Variants in KCNJ6 observed in about 807,000 individuals in gnomAD.
The protein encoded by KCNJ6 is potassium inwardly rectifying channel subfamily J member 6, also known as G protein-activated inward rectifier potassium channel 2.
Under a neutral mutation model 34.2 loss-of-function variants are expected in KCNJ6, and 9 were observed. The ratio of observed to expected loss-of-function variants is 0.26; its 90% CI spans 0.16 to 0.46. The LOEUF is 0.46. Among genes scored for constraint, KCNJ6 ranks in the 20% least tolerant of loss-of-function variants. The pLI is 1.00. For missense variants in KCNJ6, 236 were observed against 531.3 expected (o/e 0.44, Z 5.46); for synonymous variants, 196 against 207.1 (o/e 0.95, Z 0.46).
chr21:37,670,182 G>T (rs2054535220), intron 3 of KCNJ6, among the ~76,000 whole-genome samples: 1 of 152,068 alleles, frequency 6.6e-6, no homozygotes, highest in Admixed American at 6.6e-5. Flanking sequence ...AGGTGTGCAG[G>T]TTTATTTCTG....
chr21:37,618,412 A>C lies in KCNJ6; in HGVS notation c.*6747T>G, dbSNP rs1227266276. 1 of 152,204 alleles carries C rather than the reference A, an allele frequency of 6.6e-6. No homozygotes were observed. The highest frequency in any genetic ancestry group is 1.9e-4 in the East Asian group (1 of 5,204). The allele number at this position is 152,204 out of a possible 1,614,324, so 9.4% of individuals were successfully genotyped here. ...TTGAATGTTTTGTGATTTCTATCAG[A>C]GTTTTAGAAACGATGATGATTACAT... is the stretch of plus-strand genomic sequence containing the variant. On this transcript the variant is annotated 3_prime_UTR_variant, in exon 4 of 4. Transcript: ENST00000609713.
At chr21:37,632,212 A>G (rs566387962) in intron 3 of KCNJ6, among the ~76,000 whole-genome samples, 1 of 141,680 alleles carries the variant, frequency 7.1e-6, no homozygotes, top group East Asian at 2.3e-4. Flanking sequence ...CTTTGCATGC[A>G]CAGGACGGAA....
chr21:37,698,332 G>T (rs937230428), intron 3 of KCNJ6, among the ~76,000 whole-genome samples: 1 of 152,186 alleles, frequency 6.6e-6, no homozygotes, highest in African/African-American at 2.4e-5. Flanking sequence ...TCCAGGCGGG[G>T]GCTGCCCTTG....
At chr21:37,664,046 G>T (rs1391926087) in intron 3 of KCNJ6, among the ~76,000 whole-genome samples, 1 of 152,090 alleles carries the variant, frequency 6.6e-6, no homozygotes, top group Non-Finnish European at 1.5e-5. Flanking sequence ...TAATTAAGAA[G>T]TCAGTAGCAA....
intron 1 of KCNJ6, among the ~76,000 whole-genome samples, chr21:37,850,932 A>G (rs1163539364): frequency 1.3e-5 from 2 of 152,154 alleles, no homozygotes; most frequent in African/African-American, 2.4e-5. Flanking sequence ...TCACCTTGAG[A>G]ACTGGCTGGG....
At chr21:37,818,911 C>T (rs2055360830) in intron 2 of KCNJ6, among the ~76,000 whole-genome samples, 1 of 151,974 alleles carries the variant, frequency 6.6e-6, no homozygotes, top group Non-Finnish European at 1.5e-5. Context: ...GGATATTAGA[C>T]TTCCAAGGTT....
intron 1 of KCNJ6, among the ~76,000 whole-genome samples, chr21:37,843,179 C>G (rs561383633): frequency 3.0e-4 from 46 of 152,156 alleles, no homozygotes; most frequent in Non-Finnish European, 6.0e-4. Context: ...CTCTTGTGAC[C>G]TAAGGACCCT....
intron 2 of KCNJ6, among the ~76,000 whole-genome samples, chr21:37,823,182 C>T (rs2055382542): frequency 6.6e-6 from 1 of 152,162 alleles, no homozygotes; most frequent in Admixed American, 6.5e-5. Flanking sequence ...CCACGGCCAC[C>T]CCAACACCAG....
chr21:37,798,572 C>T (rs185651268), intron 2 of KCNJ6, among the ~76,000 whole-genome samples: 4 of 152,296 alleles, frequency 2.6e-5, no homozygotes, highest in East Asian at 3.9e-4. Flanking sequence ...CTGTCCAGGA[C>T]GGAATATGAT....
chr21:37,840,736 T>C (rs867818064), intron 1 of KCNJ6, 27 bp from the exon 2 acceptor site: 5 of 1,275,852 alleles, frequency 3.9e-6, no homozygotes, highest in Middle Eastern at 1.9e-4. Context: ...AAGACAATTA[T>C]CTGTAAAACA....
chr21:37,805,242 C>T (rs1039444947), intron 2 of KCNJ6, among the ~76,000 whole-genome samples: 5 of 151,928 alleles, frequency 3.3e-5, no homozygotes, highest in African/African-American at 9.7e-5. Flanking sequence ...GTATACTTTA[C>T]AAGTGTGAAT....
intron 1 of KCNJ6, among the ~76,000 whole-genome samples, chr21:37,889,541 C>A (rs2055752019): frequency 6.6e-6 from 1 of 152,182 alleles, no homozygotes; most frequent in East Asian, 1.9e-4. Flanking sequence ...TCCTAGAGGG[C>A]TGCCATGACA....
At position 37,615,858 on chromosome 21, in the gene KCNJ6, A is replaced by T. The variant is rs527281095; in HGVS notation, c.*9301T>A. Reference sequence around the variant, plus strand: ...GGATAATACAAAAATAATTTTGAAAATTTTTTAAAGGCAAATGTGACTGGA... The same window carrying T: ...GGATAATACAAAAATAATTTTGAAATTTTTTTAAAGGCAAATGTGACTGGA... On this transcript the variant is annotated 3_prime_UTR_variant, in exon 4 of 4. Transcript: ENST00000609713. 6.6e-6 allele frequency: 1 copy of T among 152,290 alleles called. No individual in the cohort carries two copies. The highest frequency in any genetic ancestry group is 1.9e-4 in the East Asian group (1 of 5,190). 9.4% of individuals were successfully genotyped at this position (152,290 alleles called of 1,614,324 possible). A position where few individuals can be genotyped will look rare whatever the true frequency, so the allele number is the denominator to read the frequency against.
intron 2 of KCNJ6, among the ~76,000 whole-genome samples, chr21:37,829,158 C>A (rs1160882551): frequency 1.3e-4 from 20 of 150,574 alleles, no homozygotes; most frequent in Admixed American, 1.3e-3. Context: ...GGGGATGGAG[C>A]CTGAACCAGG....
At position 37,655,179 on chromosome 21, in the gene KCNJ6, T is replaced by TGTG. The variant is rs1377937886; in HGVS notation, c.947-29696_947-29695insCAC. 8.3e-3 allele frequency among the ~76,000 whole-genome samples: 200 copies of TGTG among 23,976 alleles called. 1 individual carries two copies. The highest frequency in any genetic ancestry group is 0.03 in the African/African-American group (176 of 5,932). 15.7% of individuals were successfully genotyped at this position (23,976 alleles called of 152,430 possible). ...TACACTGCCTTCACACTCTAGACAT[T>TGTG]TGTGTGTGTGTGTGTGTGTGTGTGT... is the stretch of plus-strand genomic sequence containing the variant. On this transcript the variant is annotated intron_variant, in intron 3 of 3. Transcript: ENST00000609713.
chr21:37,725,539 G>A (rs538952095), intron 2 of KCNJ6, among the ~76,000 whole-genome samples: 1 of 152,238 alleles, frequency 6.6e-6, no homozygotes, highest in South Asian at 2.1e-4. Flanking sequence ...GTTGGGAGAG[G>A]AAGTGTAATT....
chr21:37,837,148 T>G (rs2055455965), intron 2 of KCNJ6, among the ~76,000 whole-genome samples: 1 of 152,174 alleles, frequency 6.6e-6, no homozygotes, highest in Non-Finnish European at 1.5e-5. Context: ...TGTGCGTGTT[T>G]TTGTTGTTTC....
chr21:37,728,837 G>A (rs1569453169), intron 2 of KCNJ6, among the ~76,000 whole-genome samples: 2 of 152,188 alleles, frequency 1.3e-5, no homozygotes, highest in Non-Finnish European at 2.9e-5. Context: ...TTCAAAATCA[G>A]TAGTTTCCTT....
chr21:37,809,111 G>A (rs889400424), intron 2 of KCNJ6, among the ~76,000 whole-genome samples: 6 of 152,064 alleles, frequency 3.9e-5, no homozygotes, highest in African/African-American at 1.4e-4. Context: ...AATAGCAAAG[G>A]CTTGGAACCA....
Sources: allele counts gnomAD v4.1 joint callset (sites outside exome capture counted in the v4.1 genomes callset), GRCh38; gene constraint gnomAD v4.1.1; transcripts MANE v1.5; gene names NCBI Gene and HGNC (gene_info 2026-07-23, HGNC 2026-07-21).